CSMD3: variants seen among roughly 807,000 people sequenced by gnomAD.
CSMD3 encodes CUB and sushi domain-containing protein 3.
In CSMD3, 177 loss-of-function variants were observed where a neutral mutation model predicts 435.2. The ratio of observed to expected loss-of-function variants is 0.41; its 90% CI spans 0.36 to 0.46. CSMD3 has a LOEUF of 0.46. Ranked by LOEUF, CSMD3 falls within the 20% of genes least tolerant of loss-of-function variation. The probability of loss-of-function intolerance (pLI) is 0.34; values close to 1 mark genes in which losing one functional copy is unlikely to be tolerated. For synonymous variants in CSMD3, 1,656 were observed against 1,520.5 expected, an observed-to-expected ratio of 1.09 and a Z score of -2.07; for missense variants, 4,265 against 4,504.6, an observed-to-expected ratio of 0.95 and a Z score of 1.52.
intron 11 of CSMD3, among the ~76,000 whole-genome samples, chr8:112,830,058 T>G (rs2132479558): frequency 6.6e-6 from 1 of 152,306 alleles, no homozygotes; most frequent in South Asian, 2.1e-4. Context: ...TGCATTAAAT[T>G]TTCAATGAAA....
At chr8:113,231,031 CCA>C (rs1342386421) in intron 3 of CSMD3, among the ~76,000 whole-genome samples, 1 of 150,960 alleles carries the variant, frequency 6.6e-6, no homozygotes, top group Non-Finnish European at 1.5e-5. Context: ...TTTTGAATAC[CCA>C]CATATACACA....
intron 13 of CSMD3, among the ~76,000 whole-genome samples, chr8:112,791,809 C>A (rs2078699978): frequency 6.6e-6 from 1 of 152,120 alleles, no homozygotes; most frequent in African/African-American, 2.4e-5. Context: ...AAGCTGTTTT[C>A]CAAAATGGTT....
At chr8:112,839,158 A>C (rs1004377657) in intron 11 of CSMD3, among the ~76,000 whole-genome samples, 3 of 151,738 alleles carry the variant, frequency 2.0e-5, no homozygotes, top group Non-Finnish European at 2.9e-5. Context: ...TAACAGTTTC[A>C]ATCTTGCAAG....
chr8:113,271,039 T>C (rs1390197040), intron 3 of CSMD3, among the ~76,000 whole-genome samples: 1 of 151,890 alleles, frequency 6.6e-6, no homozygotes, highest in Non-Finnish European at 1.5e-5. Context: ...TGTGGAACTT[T>C]GCACTTCAGA....
At chr8:112,479,104 A>G (rs1041535588) in intron 31 of CSMD3, among the ~76,000 whole-genome samples, 2 of 152,148 alleles carry the variant, frequency 1.3e-5, no homozygotes, top group African/African-American at 4.8e-5. Flanking sequence ...GGAACTACCA[A>G]CTGCGAGTAC....
chr8:112,805,026 C>T (rs1407542732), intron 12 of CSMD3, among the ~76,000 whole-genome samples: 2 of 152,116 alleles, frequency 1.3e-5, no homozygotes, highest in African/African-American at 4.8e-5. Flanking sequence ...TTAATGAACA[C>T]ACGTTGTTGG....
At chr8:112,782,883 C>T (rs373782716) in intron 13 of CSMD3, among the ~76,000 whole-genome samples, 27 of 152,038 alleles carry the variant, frequency 1.8e-4, no homozygotes, top group African/African-American at 6.5e-4. Flanking sequence ...AATACTTTCC[C>T]AGACAAACAA....
chr8:112,901,209 T>C (rs1031887459), intron 10 of CSMD3, among the ~76,000 whole-genome samples: 5 of 151,312 alleles, frequency 3.3e-5, no homozygotes, highest in Admixed American at 6.6e-5. Flanking sequence ...AGATTAATAC[T>C]TGATAAGGAA....
intron 1 of CSMD3, among the ~76,000 whole-genome samples, chr8:113,378,945 T>A (rs1286550920): frequency 1.3e-5 from 2 of 152,076 alleles, no homozygotes; most frequent in Non-Finnish European, 2.9e-5. Flanking sequence ...TGTTACAAAA[T>A]GAAATTGAGG....
intron 22 of CSMD3, among the ~76,000 whole-genome samples, chr8:112,601,736 T>C (rs1422812723): frequency 6.6e-6 from 1 of 152,026 alleles, no homozygotes; most frequent in African/African-American, 2.4e-5. Flanking sequence ...TTCCTGGTAT[T>C]GGGGAAAAAG....
intron 1 of CSMD3, among the ~76,000 whole-genome samples, chr8:113,330,337 G>A (rs950571494): frequency 1.1e-4 from 17 of 151,460 alleles, no homozygotes; most frequent in Non-Finnish European, 2.2e-4. Context: ...GACAACAGAG[G>A]AATTAAAATT....
At chr8:113,057,443 G>T (rs2131350405) in intron 5 of CSMD3, among the ~76,000 whole-genome samples, 1 of 152,172 alleles carries the variant, frequency 6.6e-6, no homozygotes, top group Non-Finnish European at 1.5e-5. Context: ...TCAGTCAAAA[G>T]AATGTATCTC....
At chr8:112,492,759 T>C in intron 30 of CSMD3, 76 bp from the exon 31 acceptor site, 1 of 1,182,670 alleles carries the variant, frequency 8.5e-7, no homozygotes, top group Non-Finnish European at 1.3e-6. Flanking sequence ...GTTCTGCATC[T>C]GTGGATTCAG....
intron 10 of CSMD3, among the ~76,000 whole-genome samples, chr8:112,920,991 G>GCA (rs1362652825): frequency 9.0e-6 from 1 of 111,300 alleles, no homozygotes; most frequent in Admixed American, 8.7e-5. Flanking sequence ...ACACATACGC[G>GCA]CGCGCGCACA....
At position 112,690,018 on chromosome 8, in the gene CSMD3, T is replaced by C. The variant is rs780445347; in HGVS notation, c.2005A>G (p.Thr669Ala). ...IEKESCGDPG[T>A]PLYGIREGDG... is the part of the protein sequence containing the mutation. ...CCTTCTCTAATTCCATATAAGGGTG[T>C]ACCAGGATCACCACAACTTTCTTTC... The change falls in exon 14 of 71, where the codon ACA (threonine) becomes GCA (alanine). Residue 669 changes from threonine to alanine, a missense_variant. Around this residue, in one of 3 missense-constraint regions of CSMD3, gnomAD observed 279 missense variants for 369.0 expected, o/e 0.76. Transcript: ENST00000297405. The C allele has an allele frequency of 6.2e-7, 1 of 1,613,306 alleles. No individual in the cohort carries two copies. The highest frequency in any genetic ancestry group is 8.5e-7 in the Non-Finnish European group (1 of 1,179,460).
chr8:112,224,782 T>G lies in CSMD3; in HGVS notation c.11113A>C (p.Thr3705Pro), dbSNP rs2129757841. 1 of 1,614,082 alleles carries G rather than the reference T, an allele frequency of 6.2e-7. No homozygotes were observed. Among genetic ancestry groups the G allele is most frequent in the Non-Finnish European group, 8.5e-7 (1 of 1,179,916 alleles). ...RFDPNLNTVC[T>P]MV Reference sequence around the variant, plus strand: ...CAAAGGTTGCCTCGTTATACCATTGTGCAAACCGTGTTCAAGTTGGGATCA... The same window carrying G: ...CAAAGGTTGCCTCGTTATACCATTGGGCAAACCGTGTTCAAGTTGGGATCA... The change falls in exon 71 of 71, where the codon ACA (threonine) becomes CCA (proline). Residue 3705 changes from threonine (T) to proline (P), a missense_variant. Transcript: ENST00000297405.
chr8:112,262,413 AAAC>A (rs1816506244), intron 61 of CSMD3, among the ~76,000 whole-genome samples: 1 of 151,242 alleles, frequency 6.6e-6, no homozygotes, highest in African/African-American at 2.5e-5. Context: ...GCAGTGAATA[AAAC>A]AAAAAAAATT....
In CSMD3 at chr8:112,524,758, A is replaced by G. The variant is rs1824683476; in HGVS notation, c.4565-7533T>C. On this transcript the variant is annotated intron_variant, in intron 27 of 70. Coordinates refer to ENST00000297405, the MANE Select transcript of CSMD3 (RefSeq NM_198123.2). The stretch of plus-strand genomic sequence containing the variant: ...GTATGTCTCACAATAGTTATACAAA[A>G]TCTATTTTAAAAATAAAATAATTTC... 6.6e-5 allele frequency among the ~76,000 whole-genome samples: 10 copies of G among 152,118 alleles called. No individual in the cohort carries two copies. The South Asian group carries it at 2.1e-3, about 32-fold the overall frequency.
chr8:113,113,519 G>A (rs1397288247), intron 4 of CSMD3, among the ~76,000 whole-genome samples: 1 of 152,288 alleles, frequency 6.6e-6, no homozygotes, highest in East Asian at 1.9e-4. Flanking sequence ...AGGTTTAGAT[G>A]TGATTTAAGT....
Sources: allele counts gnomAD v4.1 joint callset (sites outside exome capture counted in the v4.1 genomes callset), GRCh38; gene constraint gnomAD v4.1.1; regional missense constraint gnomAD v4.1.1; transcripts MANE v1.5; gene names NCBI Gene and HGNC (gene_info 2026-07-23, HGNC 2026-07-21).